The following PTPRO variants were observed in gnomAD, a reference collection of about 807,000 sequenced individuals.
PTPRO encodes the protein receptor-type tyrosine-protein phosphatase O.
A neutral mutation model predicts 145.2 loss-of-function variants in PTPRO; 62 were observed. The observed-to-expected ratio is 0.43, with a 90% CI of 0.35 to 0.53. The LOEUF is 0.53. PTPRO is among the 20% of genes least tolerant of loss of function. PTPRO has a pLI of 0.01. For synonymous variants in PTPRO, 565 were observed against 514.7 expected (o/e 1.10, Z -1.32); for missense variants, 1,345 against 1,482.7 (o/e 0.91, Z 1.53).
intron 1 of PTPRO, among the ~76,000 whole-genome samples, chr12:15,372,471 T>C (rs986821948): frequency 2.0e-4 from 31 of 152,220 alleles, no homozygotes; most frequent in African/African-American, 7.2e-4. Flanking sequence ...TGCCCACAGC[T>C]AATATGTGGC....
intron 1 of PTPRO, among the ~76,000 whole-genome samples, chr12:15,414,865 A>G (rs1307678828): frequency 6.6e-6 from 1 of 152,210 alleles, no homozygotes; most frequent in Non-Finnish European, 1.5e-5. Context: ...TCTCTTAGAA[A>G]AGTACCATTC....
At chr12:15,407,612 T>A (rs553422423) in intron 1 of PTPRO, among the ~76,000 whole-genome samples, 4 of 151,418 alleles carry the variant, frequency 2.6e-5, no homozygotes, top group Admixed American at 2.0e-4. Flanking sequence ...ATGTACTATA[T>A]AACCCACAAC....
intron 1 of PTPRO, among the ~76,000 whole-genome samples, chr12:15,437,808 C>T (rs980051672): frequency 1.3e-5 from 2 of 152,148 alleles, no homozygotes; most frequent in Non-Finnish European, 2.9e-5. Flanking sequence ...CTGGTAGCCA[C>T]CCACTGGATT....
intron 1 of PTPRO, among the ~76,000 whole-genome samples, chr12:15,384,268 T>C (rs1938953454): frequency 6.6e-6 from 1 of 152,216 alleles, no homozygotes; most frequent in Non-Finnish European, 1.5e-5. Context: ...TTTGAATATG[T>C]ACCTAGTAGT....
chr12:15,569,934 T>C (rs1468730826), intron 19 of PTPRO, among the ~76,000 whole-genome samples: 3 of 152,202 alleles, frequency 2.0e-5, no homozygotes, highest in Admixed American at 6.5e-5. Context: ...GCACATAACA[T>C]CCTGGAGTAG....
intron 1 of PTPRO, among the ~76,000 whole-genome samples, chr12:15,429,071 T>A (rs1940361274): frequency 6.6e-6 from 1 of 152,190 alleles, no homozygotes; most frequent in Admixed American, 6.5e-5. Flanking sequence ...AGAAATTGGA[T>A]ATTGAAGACA....
chr12:15,568,817 C>T (rs528056247), intron 18 of PTPRO, among the ~76,000 whole-genome samples: 24 of 152,300 alleles, frequency 1.6e-4, no homozygotes, highest in Non-Finnish European at 3.1e-4. Context: ...CCAGTGAGAC[C>T]CTGGGAGCTT....
chr12:15,430,759 G>T (rs555628503), intron 1 of PTPRO, among the ~76,000 whole-genome samples: 1 of 152,098 alleles, frequency 6.6e-6, no homozygotes, highest in African/African-American at 2.4e-5. Flanking sequence ...GTGAGGTAAT[G>T]CAATGTTAAT....
chr12:15,423,296 C>A (rs1940196331), intron 1 of PTPRO, among the ~76,000 whole-genome samples: 1 of 152,080 alleles, frequency 6.6e-6, no homozygotes, highest in Non-Finnish European at 1.5e-5. Context: ...GGAGTTTTTA[C>A]AATTTACCGA....
intron 23 of PTPRO, among the ~76,000 whole-genome samples, chr12:15,584,890 C>G (rs1944398174): frequency 6.6e-6 from 1 of 152,036 alleles, no homozygotes. Context: ...GAGTTTTCTC[C>G]TTTAACAAGA....
intron 6 of PTPRO, among the ~76,000 whole-genome samples, chr12:15,506,116 C>A (rs1454984698): frequency 6.6e-6 from 1 of 152,190 alleles, no homozygotes; most frequent in Non-Finnish European, 1.5e-5. Flanking sequence ...ATTATCAAGT[C>A]AGTCATAAGG....
intron 1 of PTPRO, among the ~76,000 whole-genome samples, chr12:15,418,864 C>A (rs1940055183): frequency 6.6e-6 from 1 of 151,530 alleles, no homozygotes; most frequent in South Asian, 2.1e-4. Context: ...ATATTCATAA[C>A]AAAAGCAATA....
intron 19 of PTPRO, among the ~76,000 whole-genome samples, chr12:15,572,383 T>G (rs1944073709): frequency 6.6e-6 from 1 of 152,236 alleles, no homozygotes; most frequent in Non-Finnish European, 1.5e-5. Context: ...TTCCTAAAAC[T>G]ATACAAAGAG....
chr12:15,410,383 G>A (rs1256009170), intron 1 of PTPRO: 8 of 152,172 alleles, frequency 5.3e-5, no homozygotes, highest in Non-Finnish European at 1.5e-5. Context: ...TCAATCCATT[G>A]AGGGCTCGAA....
intron 7 of PTPRO, among the ~76,000 whole-genome samples, chr12:15,509,168 G>T (rs1942384338): frequency 6.6e-6 from 1 of 152,126 alleles, no homozygotes; most frequent in Non-Finnish European, 1.5e-5. Flanking sequence ...TGAATGATGA[G>T]AGTCCAGAGG....
chr12:15,370,796 T>C (rs1305196831), intron 1 of PTPRO, among the ~76,000 whole-genome samples: 1 of 152,146 alleles, frequency 6.6e-6, no homozygotes, highest in East Asian at 1.9e-4. Context: ...TAATCAAAGA[T>C]AATACAAAGC....
At chr12:15,589,400 G>T in intron 24 of PTPRO, 55 bp from the exon 25 acceptor site, 2 of 1,610,306 alleles carry the variant, frequency 1.2e-6, no homozygotes, top group Non-Finnish European at 1.7e-6. Flanking sequence ...AAAGAGGGGG[G>T]AGAAAAAAAA....
chr12:15,341,168 A>G (rs1866968696), intron 1 of PTPRO, among the ~76,000 whole-genome samples: 1 of 152,178 alleles, frequency 6.6e-6, no homozygotes, highest in South Asian at 2.1e-4. Context: ...AAAATTGTGG[A>G]AGAACAACAT....
rs569975566 is a variant in PTPRO, at chr12:15,488,291, T to C, written c.349+4044T>C. 2.5e-3 allele frequency among the ~76,000 whole-genome samples: 377 copies of C among 152,274 alleles called. 1 individual carries two copies. Among genetic ancestry groups the C allele is most frequent in the African/African-American group, 8.9e-3 (368 of 41,568 alleles). On this transcript the variant is annotated intron_variant, in intron 2 of 26. Transcript: ENST00000281171. Reference sequence around the variant, plus strand: ...AAGGTTCAATTACATTATCCCAAATTTGAGGGGCAATAATAGGTTGGGAAT... The same window carrying C: ...AAGGTTCAATTACATTATCCCAAATCTGAGGGGCAATAATAGGTTGGGAAT...
Sources: gnomAD v4.1 joint callset for allele counts (sites outside exome capture counted in the v4.1 genomes callset) on GRCh38, gnomAD v4.1.1 for gene constraint, MANE v1.5 for transcripts, NCBI Gene and HGNC (gene_info 2026-07-23, HGNC 2026-07-21) for gene names.